Variants in CADM2 observed in about 807,000 individuals in gnomAD.
CADM2 encodes the protein cell adhesion molecule 2, also known as immunoglobulin superfamily member 4D.
A neutral mutation model predicts 49.8 loss-of-function variants in CADM2; 12 were observed. The observed-to-expected ratio is 0.24, with a 90% CI of 0.15 to 0.39. CADM2 has a LOEUF of 0.39. CADM2 is among the 10% of genes least tolerant of loss of function. CADM2 has a pLI of 1.00. For synonymous variants in CADM2, 214 were observed against 175.4 expected, an observed-to-expected ratio of 1.22 and a Z score of -1.74; for missense variants, 378 against 492.3, an observed-to-expected ratio of 0.77 and a Z score of 2.20.
intron 2 of CADM2, among the ~76,000 whole-genome samples, chr3:85,741,908 T>C (rs2068408567): frequency 6.6e-6 from 1 of 152,238 alleles, no homozygotes; most frequent in African/African-American, 2.4e-5. Flanking sequence ...TTATAAGGAA[T>C]CATGCAGTGA....
chr3:85,732,878 A>C (rs1276581790), intron 2 of CADM2, among the ~76,000 whole-genome samples: 1 of 152,208 alleles, frequency 6.6e-6, no homozygotes, highest in Non-Finnish European at 1.5e-5. Context: ...TCCTGAATTC[A>C]AGCTTTTAAT....
chr3:85,925,275 A>G (rs1433661168), intron 6 of CADM2, among the ~76,000 whole-genome samples: 1 of 152,142 alleles, frequency 6.6e-6, no homozygotes, highest in Non-Finnish European at 1.5e-5. Context: ...ATGGGTTGCT[A>G]TTTTTGCAGA....
intron 8 of CADM2, among the ~76,000 whole-genome samples, chr3:85,978,600 G>A (rs1237541494): frequency 6.6e-6 from 1 of 151,558 alleles, no homozygotes; most frequent in Non-Finnish European, 1.5e-5. Context: ...TGTGAGAACA[G>A]GAGAAGCAAA....
chr3:85,962,078 G>T (rs72910583), intron 8 of CADM2, among the ~76,000 whole-genome samples: 5,042 of 151,704 alleles, frequency 0.033, 266 homozygotes, highest in African/African-American at 0.11. Flanking sequence ...TGGGATTACA[G>T]GCATGCACCA....
intron 1 of CADM2, among the ~76,000 whole-genome samples, chr3:84,977,335 T>A (rs891105648): frequency 5.9e-5 from 9 of 152,104 alleles, no homozygotes; most frequent in East Asian, 1.9e-4. Flanking sequence ...CAGCACCTGA[T>A]TTCTTGGAAG....
At position 86,014,433 on chromosome 3, in the gene CADM2, G is replaced by A. The variant is rs138475870; in HGVS notation, c.971-51172G>A. ...GATGGAAAATATTGAAGTTTATCAT[G>A]AATTTTGGTTTGAGGAAGCCACAAA... On this transcript the variant is annotated intron_variant, in intron 8 of 9. Coordinates refer to ENST00000383699, the MANE Select transcript of CADM2 (RefSeq NM_001167675.2). 5.9e-3 allele frequency: 8,682 copies of A among 1,483,398 alleles called. 455 individuals are homozygous for A. In the African/African-American group the frequency reaches 0.11, roughly 19 times the overall value. 91.9% of individuals were successfully genotyped at this position (1,483,398 alleles called of 1,614,324 possible). A position where few individuals can be genotyped will look rare whatever the true frequency, so the allele number is the denominator to read the frequency against.
intron 1 of CADM2, among the ~76,000 whole-genome samples, chr3:85,212,812 C>CTCTCTCTT (rs2041810551): frequency 9.8e-6 from 1 of 102,542 alleles, no homozygotes; most frequent in East Asian, 3.2e-4. Flanking sequence ...TCTTTTTCTT[C>CTCTCTCTT]TCTTTCTTTC....
intron 1 of CADM2, among the ~76,000 whole-genome samples, chr3:85,382,891 G>A (rs180858458): frequency 2.6e-5 from 4 of 152,178 alleles, no homozygotes; most frequent in African/African-American, 7.2e-5. Flanking sequence ...CAACACTTAC[G>A]AGTGCTGTTA....
chr3:85,297,966 A>G (rs144067108), intron 1 of CADM2, among the ~76,000 whole-genome samples: 2 of 152,210 alleles, frequency 1.3e-5, no homozygotes, highest in Non-Finnish European at 2.9e-5. Context: ...AACTGAAGAC[A>G]TGAACTGATT....
At chr3:85,592,662 A>G (rs1239410327) in intron 1 of CADM2, among the ~76,000 whole-genome samples, 2 of 151,854 alleles carry the variant, frequency 1.3e-5, no homozygotes, top group African/African-American at 4.8e-5. Context: ...TAAGAAATAT[A>G]ACTTGAGAAA....
chr3:85,706,742 A>T (rs1384908842), intron 1 of CADM2, among the ~76,000 whole-genome samples: 1 of 152,198 alleles, frequency 6.6e-6, no homozygotes, highest in Non-Finnish European at 1.5e-5. Context: ...CTGTATCATC[A>T]AAATAATAAG....
At chr3:85,265,831 C>T (rs2043110181) in intron 1 of CADM2, among the ~76,000 whole-genome samples, 1 of 151,902 alleles carries the variant, frequency 6.6e-6, no homozygotes, top group African/African-American at 2.4e-5. Context: ...AATTCCTATT[C>T]ATAGCTTTCA....
rs1491522371 is a variant in CADM2, at chr3:85,288,785, C to CT, written c.61+329117_61+329118insT. ...GCCAGTATTCTGCTTTACCAATATG[C>CT]CCCCCCCCCCTCTTTTTTTCCATCA... is the stretch of plus-strand genomic sequence containing the variant. On this transcript the variant is annotated intron_variant, in intron 1 of 9. Coordinates refer to ENST00000383699, the MANE Select transcript of CADM2 (RefSeq NM_001167675.2). Among the ~76,000 whole-genome samples, 21 of 18,706 alleles carry CT rather than the reference C, an allele frequency of 1.1e-3. 2 individuals are homozygous for CT. Among genetic ancestry groups the CT allele is most frequent in the Non-Finnish European group, 1.4e-3 (14 of 10,264 alleles). 12.3% of individuals were successfully genotyped at this position (18,706 alleles called of 152,430 possible). A position where few individuals can be genotyped will look rare whatever the true frequency, so the allele number is the denominator to read the frequency against.
At chr3:85,742,639 A>G (rs1190173515) in intron 2 of CADM2, among the ~76,000 whole-genome samples, 1 of 152,246 alleles carries the variant, frequency 6.6e-6, no homozygotes, top group Non-Finnish European at 1.5e-5. Context: ...TTTGCAAAAC[A>G]GATACTTTGA....
intron 1 of CADM2, among the ~76,000 whole-genome samples, chr3:85,537,921 T>A (rs1433203189): frequency 6.6e-6 from 1 of 152,156 alleles, no homozygotes; most frequent in Non-Finnish European, 1.5e-5. Flanking sequence ...GACTCGGGGC[T>A]TGATGGTCAT....
intron 1 of CADM2, among the ~76,000 whole-genome samples, chr3:85,349,616 A>C (rs1344257099): frequency 2.6e-5 from 4 of 152,314 alleles, no homozygotes; most frequent in Non-Finnish European, 5.9e-5. Flanking sequence ...TTACTAACAG[A>C]AGTTAATTTT....
chr3:85,574,755 A>G (rs1166240959), intron 1 of CADM2, among the ~76,000 whole-genome samples: 1 of 152,194 alleles, frequency 6.6e-6, no homozygotes, highest in Admixed American at 6.5e-5. Flanking sequence ...TCTAGAGTAC[A>G]TATCTCTTAT....
chr3:85,047,147 C>A (rs1396290845), intron 1 of CADM2, among the ~76,000 whole-genome samples: 2 of 152,026 alleles, frequency 1.3e-5, no homozygotes, highest in African/African-American at 4.8e-5. Flanking sequence ...TGCAGTAAAC[C>A]CCATCCAAAT....
At chr3:85,723,171 T>G (rs769151086) in intron 1 of CADM2, among the ~76,000 whole-genome samples, 2 of 152,132 alleles carry the variant, frequency 1.3e-5, no homozygotes, top group Non-Finnish European at 2.9e-5. Flanking sequence ...CATTTACAAT[T>G]TTAATATTAT....
Sources: gnomAD v4.1 joint callset for allele counts (sites outside exome capture counted in the v4.1 genomes callset) on GRCh38, gnomAD v4.1.1 for gene constraint, MANE v1.5 for transcripts, NCBI Gene and HGNC (gene_info 2026-07-23, HGNC 2026-07-21) for gene names.